AFAP1: variants seen among roughly 807,000 people sequenced by gnomAD.
AFAP1 encodes actin filament associated protein 1.
Under a neutral mutation model 93.9 loss-of-function variants are expected in AFAP1, and 75 were observed. The observed-to-expected ratio is 0.80, with a 90% confidence interval of 0.66 to 0.97. The LOEUF (loss-of-function observed/expected upper bound fraction) is 0.97, where lower values mean the gene tolerates loss of function less well. AFAP1 is among the 50% of genes least tolerant of loss of function. AFAP1 has a pLI of 0.00. For synonymous variants in AFAP1, 517 were observed against 430.7 expected, an observed-to-expected ratio of 1.20 and a Z score of -2.48; for missense variants, 1,201 against 1,050.8, an observed-to-expected ratio of 1.14 and a Z score of -1.98.
At chr4:7,908,957 G>C (rs373218676) in intron 1 of AFAP1, among the ~76,000 whole-genome samples, 1 of 144,618 alleles carries the variant, frequency 6.9e-6, no homozygotes, top group East Asian at 2.1e-4. Context: ...TAGAGGCAAC[G>C]GTCCAATTAT....
chr4:7,911,058 G>A (rs751008740), intron 1 of AFAP1, among the ~76,000 whole-genome samples: 4 of 151,938 alleles, frequency 2.6e-5, no homozygotes, highest in East Asian at 1.9e-4. Context: ...ATAAACGCAC[G>A]GGACACACAG....
intron 11 of AFAP1, among the ~76,000 whole-genome samples, chr4:7,786,863 C>A (rs1329713068): frequency 1.3e-5 from 2 of 152,148 alleles, no homozygotes; most frequent in African/African-American, 4.8e-5. Context: ...GTTCGTGGAC[C>A]CCTGTTCTAT....
At chr4:7,858,657 A>T (rs1298569299) in intron 3 of AFAP1, among the ~76,000 whole-genome samples, 1 of 152,194 alleles carries the variant, frequency 6.6e-6, no homozygotes, top group African/African-American at 2.4e-5. Flanking sequence ...GGCAGGAAAT[A>T]AGAGAGTCTG....
At chr4:7,852,963 T>C (rs1026361072) in intron 4 of AFAP1, among the ~76,000 whole-genome samples, 2 of 151,988 alleles carry the variant, frequency 1.3e-5, no homozygotes, top group Non-Finnish European at 2.9e-5. Flanking sequence ...CTGCGGGGAG[T>C]TGGGGAATTT....
At chr4:7,930,166 T>C (rs1202530587) in intron 1 of AFAP1, among the ~76,000 whole-genome samples, 1 of 152,162 alleles carries the variant, frequency 6.6e-6, no homozygotes, top group Non-Finnish European at 1.5e-5. Flanking sequence ...TTATGGTTTA[T>C]TACAAAGAAT....
At chr4:7,895,137 G>C (rs1011796307) in intron 1 of AFAP1, among the ~76,000 whole-genome samples, 14 of 152,240 alleles carry the variant, frequency 9.2e-5, no homozygotes, top group African/African-American at 3.1e-4. Flanking sequence ...ATGATAGAAC[G>C]ATCTGGACAC....
At chr4:7,889,321 G>A (rs1410310523) in intron 1 of AFAP1, among the ~76,000 whole-genome samples, 1 of 151,864 alleles carries the variant, frequency 6.6e-6, no homozygotes, top group East Asian at 1.9e-4. Flanking sequence ...GGCCAAGGGG[G>A]ACGGATCACG....
Position 7,938,624 on chromosome 4 carries a change from G to A in AFAP1, c.-3+1032C>T, listed in dbSNP as rs868524226. The stretch of plus-strand genomic sequence containing the variant: ...TGTAACTGCCTTGGCCTCATTCCGT[G>A]GGTGTGGATGCTCCTGCTTGAAACG... On this transcript the variant is annotated intron_variant, in intron 1 of 17. Transcript: ENST00000420658. Among the ~76,000 whole-genome samples, 7 of 152,106 alleles carry A rather than the reference G, an allele frequency of 4.6e-5. No individual in the cohort carries two copies. In the South Asian group the frequency reaches 6.2e-4, roughly 14 times the overall value.
In AFAP1 at chr4:7,781,596, C is replaced by T. The variant is rs375975284; in HGVS notation, c.1562G>A (p.Cys521Tyr). 52 of 1,551,670 alleles carry T rather than the reference C, an allele frequency of 3.4e-5. No individual in the cohort carries two copies. The highest frequency in any genetic ancestry group is 4.4e-5 in the Non-Finnish European group (50 of 1,147,034). Residue 521 changes from cysteine to tyrosine, a missense_variant, in exon 13 of 18, where the codon TGC (cysteine) becomes TAC (tyrosine). Coordinates refer to ENST00000420658, the MANE Select transcript of AFAP1 (RefSeq NM_001134647.2). ...WEPEDGFPAS[C>Y]SRGLGEEVLY... ...CACCTCTTCTCCCAAGCCTCTGCTG[C>T]AGGAAGCAGGAAAGCCGTCTTCCGG...
At chr4:7,865,764 G>A (rs979553381) in intron 3 of AFAP1, among the ~76,000 whole-genome samples, 3 of 152,230 alleles carry the variant, frequency 2.0e-5, no homozygotes, top group African/African-American at 4.8e-5. Context: ...GCACGTGAGG[G>A]ACATGCAGTT....
At chr4:7,842,849 C>T in intron 5 of AFAP1, 1 of 359,884 alleles carries the variant, frequency 2.8e-6, no homozygotes, top group Non-Finnish European at 5.1e-6. Context: ...AAATCTTGTG[C>T]ATTTCCACAG....
chr4:7,920,422 C>T (rs903451473), intron 1 of AFAP1, among the ~76,000 whole-genome samples: 3 of 152,178 alleles, frequency 2.0e-5, no homozygotes, highest in Non-Finnish European at 4.4e-5. Context: ...TTTGTAACTT[C>T]TAATGCAAAG....
At chr4:7,901,804 C>A (rs1719130939) in intron 1 of AFAP1, among the ~76,000 whole-genome samples, 1 of 152,148 alleles carries the variant, frequency 6.6e-6, no homozygotes, top group Non-Finnish European at 1.5e-5. Context: ...AACTCAGACA[C>A]AATTTTTTAA....
intron 7 of AFAP1, 129 bp from the exon 8 acceptor site, chr4:7,816,228 G>T: frequency 1.4e-6 from 1 of 721,560 alleles, no homozygotes; most frequent in Non-Finnish European, 2.3e-6. Flanking sequence ...ATCCAGAAGT[G>T]GTTAGAGCTT....
chr4:7,868,098 A>C (rs112137191), intron 3 of AFAP1, among the ~76,000 whole-genome samples: 3,538 of 152,194 alleles, frequency 0.023, 135 homozygotes, highest in African/African-American at 0.08. Flanking sequence ...AAAAAAAAAA[A>C]AACAACAAAT....
At position 7,794,228 on chromosome 4, in the gene AFAP1, C is replaced by G. The variant is rs201156224; in HGVS notation, c.1267-402G>C. On this transcript the variant is annotated intron_variant, in intron 10 of 17. Coordinates refer to ENST00000420658, the MANE Select transcript of AFAP1 (RefSeq NM_001134647.2). Reference sequence around the variant, plus strand: ...TGCTGCCTGACTTGGGAAGCGTGACCAAGCTCCAGGCCCTTTACTGGTCGC... The same window carrying G: ...TGCTGCCTGACTTGGGAAGCGTGACGAAGCTCCAGGCCCTTTACTGGTCGC... Among the ~76,000 whole-genome samples, 3 of 152,326 alleles carry G rather than the reference C, an allele frequency of 2.0e-5. No homozygotes were observed. In the East Asian group the frequency reaches 5.8e-4, roughly 29 times the overall value.
In AFAP1 at chr4:7,778,682, C is replaced by T. The variant is rs549981501; in HGVS notation, c.1897+80G>A. On this transcript the variant is annotated intron_variant, in intron 14 of 17. Transcript: ENST00000420658. ...CCAGCTGACCCCAAGCTGGCACTCA[C>T]GGGTGGGCAGGCTCAGACAGGCCCA... 1.2e-5 allele frequency: 16 copies of T among 1,385,764 alleles called. No individual in the cohort carries two copies. The East Asian group carries it at 1.4e-4, about 12-fold the overall frequency. The allele number at this position is 1,385,764 out of a possible 1,614,324, so 85.8% of individuals were successfully genotyped here. A position where few individuals can be genotyped will look rare whatever the true frequency, so the allele number is the denominator to read the frequency against.
At position 7,819,126 on chromosome 4, in the gene AFAP1, C is replaced by T. The variant is rs1720740291; in HGVS notation, c.772G>A (p.Glu258Lys). The change falls in exon 7 of 18, where the codon GAG becomes AAG. Residue 258 changes from glutamate to lysine, a missense_variant. Transcript: ENST00000420658. ...GGGGAGCTTGGTGGAGGAGGACACTCTGAATCCACGGGGCCACTACAACCA... is the reference window on the plus strand; with the variant it reads ...GGGGAGCTTGGTGGAGGAGGACACTTTGAATCCACGGGGCCACTACAACCA... ...YSGCSGPVDS[E>K]CPPPPSSPVH... 2 of 1,613,878 alleles carry T rather than the reference C, an allele frequency of 1.2e-6. No individual in the cohort carries two copies. Among genetic ancestry groups the T allele is most frequent in the Non-Finnish European group, 8.5e-7 (1 of 1,179,902 alleles).
At position 7,919,905 on chromosome 4, in the gene AFAP1, C is replaced by T. The variant is rs931049197; in HGVS notation, c.-3+19751G>A. Among the ~76,000 whole-genome samples, 6 of 151,276 alleles carry T rather than the reference C, an allele frequency of 4.0e-5. No individual in the cohort carries two copies. The East Asian group carries it at 1.2e-3, about 30-fold the overall frequency. ...GTAAGAACACATGGTGTTTGGTTTT[C>T]CGTTTCTGCCTTAGTTTGCTGAGGA... On this transcript the variant is annotated intron_variant, in intron 1 of 17. Transcript: ENST00000420658.
Sources: allele counts gnomAD v4.1 joint callset (sites outside exome capture counted in the v4.1 genomes callset), GRCh38; gene constraint gnomAD v4.1.1; transcripts MANE v1.5; gene names NCBI Gene and HGNC (gene_info 2026-07-23, HGNC 2026-07-21).